Variants in TMEM132B observed in about 807,000 individuals in gnomAD.
TMEM132B encodes the protein transmembrane protein 132B.
In TMEM132B, 18 loss-of-function variants were observed where a neutral mutation model predicts 90.8. That is an observed-to-expected ratio of 0.20 (90% CI 0.14 to 0.29). TMEM132B has a LOEUF of 0.29. Ranked by LOEUF, TMEM132B falls within the 10% of genes least tolerant of loss-of-function variation. TMEM132B has a pLI of 1.00. For missense variants in TMEM132B, 1,096 were observed against 1,326.8 expected (o/e 0.83, Z 2.70); for synonymous variants, 504 against 523.3 (o/e 0.96, Z 0.50).
At chr12:125,383,330 A>C (rs917280554) in intron 2 of TMEM132B, among the ~76,000 whole-genome samples, 2 of 152,144 alleles carry the variant, frequency 1.3e-5, no homozygotes, top group Non-Finnish European at 2.9e-5. Flanking sequence ...CCCCTTTACT[A>C]TTTTAATTTT....
chr12:125,333,687 A>AGCTGGGTCTAGCT (rs1236164456), intron 1 of TMEM132B, among the ~76,000 whole-genome samples: 3 of 152,232 alleles, frequency 2.0e-5, no homozygotes, highest in Non-Finnish European at 4.4e-5. Flanking sequence ...CTGCTGATCT[A>AGCTGGGTCTAGCT]GCTGATTACT....
intron 5 of TMEM132B, chr12:125,587,677 C>G (rs1294948115): frequency 2.6e-5 from 4 of 152,168 alleles, no homozygotes; most frequent in Admixed American, 2.6e-4. Context: ...TTTGTCATTT[C>G]TGGTCACACT....
intron 1 of TMEM132B, among the ~76,000 whole-genome samples, chr12:125,291,767 A>T (rs971141702): frequency 6.6e-6 from 1 of 152,000 alleles, no homozygotes; most frequent in Non-Finnish European, 1.5e-5. Flanking sequence ...GCTTTTTTTA[A>T]AAAAAAATTG....
rs537225904 is a variant in TMEM132B, at chr12:125,213,838, C to G, written c.67+26972C>G. ...GTGGCCAGTGCCAGGTTAGAATCTA[C>G]TTTACAAAAATGGCAGATGCTAGGT... On this transcript the variant is annotated intron_variant, in intron 1 of 8. Transcript: ENST00000682704. This position sits in a 1 kb window ranked among gnomAD's most constrained non-coding sequence, Gnocchi z 4.2. 3.3e-5 allele frequency among the ~76,000 whole-genome samples: 5 copies of G among 152,350 alleles called. 1 individual carries two copies. The highest frequency in any genetic ancestry group is 1.2e-4 in the African/African-American group (5 of 41,580).
intron 2 of TMEM132B, among the ~76,000 whole-genome samples, chr12:125,404,955 A>T (rs1879423616): frequency 6.6e-6 from 1 of 152,180 alleles, no homozygotes; most frequent in African/African-American, 2.4e-5. Context: ...TGATTCACAG[A>T]TACAGCGTAA....
intron 1 of TMEM132B, among the ~76,000 whole-genome samples, chr12:125,328,288 C>T (rs1300602622): frequency 6.6e-6 from 1 of 152,202 alleles, no homozygotes; most frequent in African/African-American, 2.4e-5. Context: ...TGCCCTCACT[C>T]CTGCCCAGCC....
At chr12:125,611,371 AT>A (rs981424842) in intron 5 of TMEM132B, among the ~76,000 whole-genome samples, 1 of 150,502 alleles carries the variant, frequency 6.6e-6, no homozygotes, top group African/African-American at 2.4e-5. Context: ...GGTTTTGCTG[AT>A]TTTTCTCTAT....
chr12:125,312,305 G>A (rs1436907666), intron 1 of TMEM132B, among the ~76,000 whole-genome samples: 1 of 152,196 alleles, frequency 6.6e-6, no homozygotes, highest in Non-Finnish European at 1.5e-5. Context: ...GCTCCTTCCA[G>A]CTGCCTCGCA....
At chr12:125,526,621 CA>C (rs1883470145) in intron 4 of TMEM132B, among the ~76,000 whole-genome samples, 1 of 152,212 alleles carries the variant, frequency 6.6e-6, no homozygotes, top group Admixed American at 6.5e-5. Flanking sequence ...TTTGCTGCCA[CA>C]GGTGTGTGAT....
At chr12:125,651,058 G>C in intron 7 of TMEM132B, 105 bp downstream of exon 7, 1 of 1,426,644 alleles carries the variant, frequency 7.0e-7, no homozygotes. Context: ...ATGTGGACAT[G>C]TATATCAACG....
intron 3 of TMEM132B, among the ~76,000 whole-genome samples, chr12:125,440,039 G>A (rs1312444337): frequency 6.6e-6 from 1 of 152,136 alleles, no homozygotes; most frequent in Non-Finnish European, 1.5e-5. Context: ...TGGTGGATTA[G>A]CTTTTTGATG....
At chr12:125,447,109 G>A (rs1051527245) in intron 3 of TMEM132B, among the ~76,000 whole-genome samples, 1 of 151,972 alleles carries the variant, frequency 6.6e-6, no homozygotes, top group African/African-American at 2.4e-5. Flanking sequence ...CAGATATTTT[G>A]GATATGTCTC....
intron 2 of TMEM132B, among the ~76,000 whole-genome samples, chr12:125,380,504 A>G (rs577186527): frequency 2.0e-5 from 3 of 152,332 alleles, no homozygotes; most frequent in South Asian, 2.1e-4. Flanking sequence ...GCCTCAGATG[A>G]ATCACCTCCC....
chr12:125,584,280 T>G (rs1197084896), intron 5 of TMEM132B: 2 of 392,496 alleles, frequency 5.1e-6, no homozygotes, highest in Non-Finnish European at 9.4e-6. Flanking sequence ...CCTATTCTTC[T>G]CTCTATCTTT....
At chr12:125,228,430 A>ACT (rs1318293977) in intron 1 of TMEM132B, among the ~76,000 whole-genome samples, 1 of 151,896 alleles carries the variant, frequency 6.6e-6, no homozygotes, top group Non-Finnish European at 1.5e-5. Context: ...GGCAGCAGCA[A>ACT]CTCTCTTGGC....
chr12:125,381,732 G>A (rs1479734738), intron 2 of TMEM132B, among the ~76,000 whole-genome samples: 1 of 152,144 alleles, frequency 6.6e-6, no homozygotes, highest in East Asian at 1.9e-4. Flanking sequence ...ATGCATATGT[G>A]CGTTAGTGCA....
chr12:125,332,583 C>CTTTT lies in TMEM132B; in HGVS notation c.68-16837_68-16834dup, dbSNP rs201828438. ...CTGAGAAATTAATTCAGAGAGTTGG[C>CTTTT]TTTTTTTTTTTTTTTTTTTTTTTTT... On this transcript the variant is annotated intron_variant, in intron 1 of 8. Coordinates refer to ENST00000682704, the MANE Select transcript of TMEM132B (RefSeq NM_001366854.1). Among the ~76,000 whole-genome samples the CTTTT allele has an allele frequency of 1.1e-3, 58 of 52,416 alleles. 8 individuals are homozygous for CTTTT. Among genetic ancestry groups the CTTTT allele is most frequent in the East Asian group, 5.2e-3 (8 of 1,536 alleles). 34.4% of individuals were successfully genotyped at this position (52,416 alleles called of 152,430 possible). A position where few individuals can be genotyped will look rare whatever the true frequency, so the allele number is the denominator to read the frequency against.
At chr12:125,610,759 A>G (rs982987608) in intron 5 of TMEM132B, among the ~76,000 whole-genome samples, 1 of 152,160 alleles carries the variant, frequency 6.6e-6, no homozygotes, top group African/African-American at 2.4e-5. Flanking sequence ...AAATAAATAT[A>G]TGAAGCTATA....
chr12:125,255,898 G>A (rs138336086), intron 1 of TMEM132B, among the ~76,000 whole-genome samples: 1 of 152,198 alleles, frequency 6.6e-6, no homozygotes, highest in South Asian at 2.1e-4. Flanking sequence ...GGTATCTGAT[G>A]CTGAGAAACA....
Sources: allele counts gnomAD v4.1 joint callset (sites outside exome capture counted in the v4.1 genomes callset), GRCh38; gene constraint gnomAD v4.1.1; non-coding constraint Gnocchi (gnomAD v3.1); transcripts MANE v1.5; gene names NCBI Gene and HGNC (gene_info 2026-07-23, HGNC 2026-07-21).